Variants in CIART observed in about 807,000 individuals in gnomAD.
The protein encoded by CIART is circadian-associated transcriptional repressor.
Under a neutral mutation model 22.1 loss-of-function variants are expected in CIART, and 7 were observed. The ratio of observed to expected loss-of-function variants is 0.32; its 90% CI spans 0.18 to 0.59. CIART has a LOEUF of 0.59. Ranked by LOEUF, CIART falls within the 20% of genes least tolerant of loss-of-function variation. The pLI, the probability that CIART is intolerant of heterozygous loss-of-function variation, is 0.86. For missense variants in CIART, 440 were observed against 478.0 expected, an observed-to-expected ratio of 0.92 and a Z score of 0.74; for synonymous variants, 163 against 174.6, an observed-to-expected ratio of 0.93 and a Z score of 0.53.
intron 2 of CIART, 123 bp downstream of exon 2, chr1:150,284,003 T>TTTATTG: frequency 4.1e-6 from 2 of 489,718 alleles, no homozygotes; most frequent in Admixed American, 4.4e-5. Flanking sequence ...CTACTATGAC[T>TTTATTG]TTATTATTAT....
chr1:150,283,688 G>T (rs1653293493), intron 1 of CIART, 55 bp downstream of exon 1: 4 of 1,588,364 alleles, frequency 2.5e-6, no homozygotes, highest in Non-Finnish European at 3.5e-6. Context: ...CACCCAGCTG[G>T]TTGATAAGGA....
rs1553854763 is a variant in CIART at position 150,286,765 on chromosome 1, T to G, written c.969T>G (p.Gly323=). The part of the protein sequence containing the change: ...PPTTASPVIP[G]EPMKLSGEGP... ...CTACAGCATCTCCTGTCATCCCTGG[T>G]GAGCCTATGAAACTATCTGGAGAGG... Residue 323 remains glycine (G), a synonymous_variant, in exon 5 of 5, where the codon GGT becomes GGG. Transcript: ENST00000290363. The G allele has an allele frequency of 6.2e-7, 1 of 1,613,278 alleles. No individual in the cohort carries two copies. The highest frequency in any genetic ancestry group is 1.7e-4 in the Middle Eastern group (1 of 6,060).
At position 150,286,494 on chromosome 1, in the gene CIART, A is replaced by G; in HGVS notation, c.698A>G (p.Asp233Gly). The change falls in exon 5 of 5, where the codon GAC becomes GGC. Residue 233 changes from aspartate to glycine, a missense_variant. Physicochemically the swap from Asp to Gly is moderately conservative, Grantham distance 94 (BLOSUM62 -1). Coordinates refer to ENST00000290363, the MANE Select transcript of CIART (RefSeq NM_144697.4). ...CCTGCATCTCCTATGGAAAAGATGG[A>G]CCAGACACAGCTAGGACATCTAGCT... ...SSPASPMEKM[D>G]QTQLGHLALK... The G allele has an allele frequency of 6.3e-7, 1 of 1,587,768 alleles. No individual in the cohort carries two copies. The highest frequency in any genetic ancestry group is 1.1e-5 in the South Asian group (1 of 90,494).
At chr1:150,284,299 G>C (rs587711803) in intron 2 of CIART, 127 bp from the exon 3 acceptor site, 1 of 902,978 alleles carries the variant, frequency 1.1e-6, no homozygotes, top group Non-Finnish European at 1.8e-6. Context: ...GATTACAGGC[G>C]TAAGCCACCT....
Position 150,283,273 on chromosome 1 carries a change from T to C in CIART, c.6T>C (p.Asp2=). The change falls in exon 1 of 5, where the codon GAT becomes GAC. Residue 2 remains aspartate, a synonymous_variant. Coordinates refer to ENST00000290363, the MANE Select transcript of CIART (RefSeq NM_144697.4). M[D]SPSSVSSYSS... ...TAGCCCCTGCTTCTGGACCTATGGA[T>C]TCTCCATCTAGCGTTTCTTCCTATT... 6.6e-7 allele frequency: 1 copy of C among 1,518,306 alleles called. No homozygotes were observed. Among genetic ancestry groups the C allele is most frequent in the Non-Finnish European group, 8.8e-7 (1 of 1,134,532 alleles). The allele number at this position is 1,518,306 out of a possible 1,614,324, so 94.1% of individuals were successfully genotyped here. A position where few individuals can be genotyped will look rare whatever the true frequency, so the allele number is the denominator to read the frequency against.
chr1:150,283,054 G>T lies in CIART; in HGVS notation c.-214G>T. The T allele has an allele frequency of 2.7e-6, 1 of 374,710 alleles. No individual in the cohort carries two copies. The highest frequency in any genetic ancestry group is 4.6e-6 in the Non-Finnish European group (1 of 216,566). The allele number at this position is 374,710 out of a possible 1,614,324, so 23.2% of individuals were successfully genotyped here. On this transcript the variant is annotated 5_prime_UTR_variant, in exon 1 of 5. Transcript: ENST00000290363. ...GAATCCCAAGCTCTTAATGGGCGGG[G>T]GTGGGGGTAGAAATGTCTTTTTCTA...
At position 150,286,426 on chromosome 1, in the gene CIART, C is replaced by G. The variant is rs1122967; in HGVS notation, c.634-4C>G. On this transcript the variant is annotated splice_polypyrimidine_tract_variant and splice_region_variant and intron_variant, in intron 4 of 4. Transcript: ENST00000290363. ...TCTTTTTTTCTCATTTCTCCCCTCT[C>G]TAGCATTTTCCAAGCCACCACAGTG... The G allele has an allele frequency of 0.55, 854,137 of 1,561,252 alleles. 242,979 individuals carry two copies. Among genetic ancestry groups the G allele is most frequent in the African/African-American group, 0.9 (66,253 of 73,422 alleles).
Position 150,286,856 on chromosome 1 carries a change from A to C in CIART, c.1060A>C (p.Ser354Arg). Residue 354 changes from serine to arginine, a missense_variant, in exon 5 of 5, where the codon AGT becomes CGT. Coordinates refer to ENST00000290363, the MANE Select transcript of CIART (RefSeq NM_144697.4). ...SDWSYTLSPP[S>R]LPTLARKMTI... ...CTGGAGCTATACCCTATCCCCTCCC[A>C]GTCTACCCACCTTGGCCAGAAAGAT... 6.2e-7 allele frequency: 1 copy of C among 1,613,248 alleles called. No homozygotes were observed.
chr1:150,286,599 A>G lies in CIART; in HGVS notation c.803A>G (p.Asn268Ser), dbSNP rs782184308. 1 of 1,608,374 alleles carries G rather than the reference A, an allele frequency of 6.2e-7. No homozygotes were observed. Among genetic ancestry groups the G allele is most frequent in the Non-Finnish European group, 8.5e-7 (1 of 1,175,410 alleles). ...LTWIHTTPICNPPLSSPGTIS... is the reference protein window; with the variant it reads ...LTWIHTTPICSPPLSSPGTIS... Reference sequence around the variant, plus strand: ...TGGATCCACACCACTCCAATTTGCAACCCCCCTCTCAGCTCCCCAGGTACT... The same window carrying G: ...TGGATCCACACCACTCCAATTTGCAGCCCCCCTCTCAGCTCCCCAGGTACT... Residue 268 changes from asparagine (N) to serine (S), a missense_variant, in exon 5 of 5, where the codon AAC becomes AGC. By Grantham distance (46) the Asn-to-Ser change is conservative. Coordinates refer to ENST00000290363, the MANE Select transcript of CIART (RefSeq NM_144697.4).
chr1:150,284,984 A>C (rs927189513), intron 4 of CIART: 2 of 451,230 alleles, frequency 4.4e-6, no homozygotes, highest in East Asian at 8.7e-5. Context: ...TAGATACAAA[A>C]GGCTTTTTAC....
intron 4 of CIART, among the ~76,000 whole-genome samples, chr1:150,285,858 C>G (rs1452867794): frequency 6.6e-6 from 1 of 151,976 alleles, no homozygotes; most frequent in Non-Finnish European, 1.5e-5. Context: ...CACCTGTAGT[C>G]CCAGCTGAGG....
In CIART at chr1:150,283,564, T is replaced by C; in HGVS notation, c.297T>C (p.Asp99=). The change falls in exon 1 of 5, where the codon GAT becomes GAC. Residue 99 remains aspartate (D), a synonymous_variant. Coordinates refer to ENST00000290363, the MANE Select transcript of CIART (RefSeq NM_144697.4). ...MAGSGAKRSR[D]GELETSLNTQ... ...GATCTGGGGCGAAAAGATCAAGAGA[T>C]GGTGAACTGGAGACCAGTCTAAACA... The C allele has an allele frequency of 1.2e-6, 2 of 1,614,096 alleles. No homozygotes were observed. The highest frequency in any genetic ancestry group is 1.7e-6 in the Non-Finnish European group (2 of 1,179,958).
intron 3 of CIART, 40 bp downstream of exon 3, chr1:150,284,544 G>T (rs587608275): frequency 6.3e-7 from 1 of 1,596,294 alleles, no homozygotes; most frequent in South Asian, 1.1e-5. Flanking sequence ...TTCATAAAAA[G>T]GAGATTTCTC....
chr1:150,286,696 G>A lies in CIART; in HGVS notation c.900G>A (p.Val300=). ...TCATTCTTTTCCTCCAGCATGGAGT[G>A]CAACCCTTCACCCACTCTGCCCCAA... The part of the protein sequence containing the change: ...IGVILFLQHG[V]QPFTHSAPTT... Residue 300 remains valine, a synonymous_variant, in exon 5 of 5, where the codon GTG becomes GTA. Coordinates refer to ENST00000290363, the MANE Select transcript of CIART (RefSeq NM_144697.4). 1 of 1,614,048 alleles carries A rather than the reference G, an allele frequency of 6.2e-7. No individual in the cohort carries two copies.
In CIART at chr1:150,283,406, G is replaced by A. The variant is rs1553853923; in HGVS notation, c.139G>A (p.Asp47Asn). The A allele has an allele frequency of 6.2e-7, 1 of 1,614,060 alleles. No homozygotes were observed. Among genetic ancestry groups the A allele is most frequent in the South Asian group, 1.1e-5 (1 of 91,072 alleles). ...CAAGGGGGCCCATGGGCCCAGGCCA[G>A]ACACTGTTGGGCAGAGGGGAGGTTC... ...EDKGAHGPRP[D>N]TVGQRGGSRP... Residue 47 changes from aspartate to asparagine, a missense_variant, in exon 1 of 5, where the codon GAC (aspartate) becomes AAC (asparagine). Asp to Asn is a conservative substitution (Grantham distance 23). Transcript: ENST00000290363.
At chr1:150,283,998 A>G in intron 2 of CIART, 118 bp downstream of exon 2, 2 of 576,416 alleles carry the variant, frequency 3.5e-6, no homozygotes, top group Non-Finnish European at 5.9e-6. Flanking sequence ...TTTTGCTACT[A>G]TGACTTTATT....
intron 4 of CIART, chr1:150,285,405 G>A (rs112753319): frequency 0.046 from 7,046 of 152,506 alleles, 411 homozygotes; most frequent in African/African-American, 0.13. Flanking sequence ...GCATGGTGGC[G>A]CACGCCTGTA....
intron 4 of CIART, 55 bp from the exon 5 acceptor site, chr1:150,286,375 G>A: frequency 6.9e-7 from 1 of 1,450,712 alleles, no homozygotes; most frequent in South Asian, 1.2e-5. Flanking sequence ...ACCAGGTGGA[G>A]CTCATCTGAA....
rs1392916062 is a variant in CIART, at chr1:150,286,693, A to T, written c.897A>T (p.Gly299=). Residue 299 remains glycine, a synonymous_variant, in exon 5 of 5, where the codon GGA becomes GGT. Transcript: ENST00000290363. ...GIGVILFLQH[G]VQPFTHSAPT... is the part of the protein sequence containing the mutation. Reference sequence around the variant, plus strand: ...GCGTCATTCTTTTCCTCCAGCATGGAGTGCAACCCTTCACCCACTCTGCCC... The same window carrying T: ...GCGTCATTCTTTTCCTCCAGCATGGTGTGCAACCCTTCACCCACTCTGCCC... 1 of 1,614,078 alleles carries T rather than the reference A, an allele frequency of 6.2e-7. No individual in the cohort carries two copies. The highest frequency in any genetic ancestry group is 1.1e-5 in the South Asian group (1 of 91,080).
Sources: gnomAD v4.1 joint callset for allele counts (sites outside exome capture counted in the v4.1 genomes callset) on GRCh38, gnomAD v4.1.1 for gene constraint, MANE v1.5 for transcripts, NCBI Gene and HGNC (gene_info 2026-07-23, HGNC 2026-07-21) for gene names.